The following CD302 variants were observed in gnomAD, a reference collection of about 807,000 sequenced individuals.
CD302 encodes the protein CD302 molecule.
A neutral mutation model predicts 26.5 loss-of-function variants in CD302; 23 were observed. The ratio of observed to expected loss-of-function variants is 0.87; its 90% CI spans 0.62 to 1.23. CD302 has a LOEUF of 1.23. Ranked by LOEUF, CD302 falls within the 50% of genes most tolerant of loss-of-function variation. CD302 has a pLI of 0.00. For synonymous variants in CD302, 90 were observed against 99.4 expected, an observed-to-expected ratio of 0.91 and a Z score of 0.56; for missense variants, 290 against 275.5, an observed-to-expected ratio of 1.05 and a Z score of -0.37.
chr2:159,779,275 G>T (rs1017786742), intron 4 of CD302, among the ~76,000 whole-genome samples: 1 of 105,952 alleles, frequency 9.4e-6, no homozygotes, highest in African/African-American at 3.8e-5. Context: ...CGGGTCAGAA[G>T]AAAACATTTT....
intron 5 of CD302, among the ~76,000 whole-genome samples, chr2:159,774,569 T>TAGTA (rs1368214623): frequency 1.3e-5 from 2 of 152,238 alleles, no homozygotes; most frequent in African/African-American, 4.8e-5. Context: ...CAAGTCCATT[T>TAGTA]AGTAAGTGAC....
intron 2 of CD302, among the ~76,000 whole-genome samples, chr2:159,782,627 A>AT (rs1708552641): frequency 1.3e-5 from 2 of 151,592 alleles, no homozygotes; most frequent in African/African-American, 4.9e-5. Flanking sequence ...CAGGGGGCTG[A>AT]CATGGGAGGA....
intron 3 of CD302, 92 bp downstream of exon 3, chr2:159,780,790 T>A: frequency 8.4e-7 from 1 of 1,197,174 alleles, no homozygotes; most frequent in Non-Finnish European, 1.2e-6. Context: ...ACAGGAATCA[T>A]CAACTTGAAC....
chr2:159,779,953 CCTA>C, intron 4 of CD302, 49 bp downstream of exon 4: 2 of 1,563,362 alleles, frequency 1.3e-6, no homozygotes, highest in East Asian at 2.3e-5. Context: ...TAAAACCAGT[CCTA>C]CTTTCTCTGC....
chr2:159,788,493 A>T (rs1574499673), intron 1 of CD302, among the ~76,000 whole-genome samples: 1 of 152,248 alleles, frequency 6.6e-6, no homozygotes, highest in African/African-American at 2.4e-5. Context: ...ATGTTTGCAC[A>T]ATGACAAAAT....
chr2:159,781,000 T>C lies in CD302; in HGVS notation c.179-2A>G, dbSNP rs767614849. 1.4e-5 allele frequency: 23 copies of C among 1,598,354 alleles called. No homozygotes were observed. Among genetic ancestry groups the C allele is most frequent in the Middle Eastern group, 1.7e-4 (1 of 6,024 alleles). ...TATGTATGCTTATCATGTCCGCTCC[T>C]GAAATTATTTTAAAGAGAAAAAAAG... On this transcript the variant is annotated splice_acceptor_variant, in intron 2 of 5. Coordinates refer to ENST00000259053, the MANE Select transcript of CD302 (RefSeq NM_014880.5). LOFTEE classifies it high-confidence loss of function.
At chr2:159,776,011 A>AGTTGTTTTT (rs1342820508) in intron 5 of CD302, among the ~76,000 whole-genome samples, 1 of 13,150 alleles carries the variant, frequency 7.6e-5, no homozygotes, top group Non-Finnish European at 1.6e-4. Flanking sequence ...CCGGGTTTCA[A>AGTTGTTTTT]CTTTTTTTTT....
rs538273031 is a variant in CD302 at position 159,777,915 on chromosome 2, T to A, written c.496+23A>T. On this transcript the variant is annotated intron_variant, in intron 5 of 5. Coordinates refer to ENST00000259053, the MANE Select transcript of CD302 (RefSeq NM_014880.5). ...ATATATTTTTAATTGTGGGAAAAAT[T>A]TAAAGACCAAATCATTACTTACCTG... 51 of 1,013,724 alleles carry A rather than the reference T, an allele frequency of 5.0e-5. No individual in the cohort carries two copies. The African/African-American group carries it at 7.1e-4, about 14-fold the overall frequency. 62.8% of individuals were successfully genotyped at this position (1,013,724 alleles called of 1,614,324 possible). A position where few individuals can be genotyped will look rare whatever the true frequency, so the allele number is the denominator to read the frequency against.
chr2:159,797,067 C>A (rs970549584), intron 1 of CD302, among the ~76,000 whole-genome samples: 19 of 152,102 alleles, frequency 1.2e-4, no homozygotes, highest in African/African-American at 4.1e-4. Flanking sequence ...GTCATAAATG[C>A]AGGTCCACAG....
chr2:159,769,925 A>T lies in CD302; in HGVS notation c.*1926T>A, dbSNP rs767462472. 1 of 152,204 alleles carries T rather than the reference A, an allele frequency of 6.6e-6. No individual in the cohort carries two copies. Among genetic ancestry groups the T allele is most frequent in the South Asian group, 2.1e-4 (1 of 4,836 alleles). 9.4% of individuals were successfully genotyped at this position (152,204 alleles called of 1,614,324 possible). A position where few individuals can be genotyped will look rare whatever the true frequency, so the allele number is the denominator to read the frequency against. ...CCACCTGTGATTTGAACACTTGACA[A>T]TGTGGCTAATGTAATTCGAAAACTG... On this transcript the variant is annotated 3_prime_UTR_variant, in exon 6 of 6. Transcript: ENST00000259053.
At chr2:159,776,030 T>TTTTTTTTTTTTTTTTTTTTTA (rs55987429) in intron 5 of CD302, among the ~76,000 whole-genome samples, 1 of 146,226 alleles carries the variant, frequency 6.8e-6, no homozygotes, top group African/African-American at 2.5e-5. Flanking sequence ...TTTTTTTTTT[T>TTTTTTTTTTTTTTTTTTTTTA]AAAGTAGAGT....
At chr2:159,773,495 G>C (rs187134133) in intron 5 of CD302, among the ~76,000 whole-genome samples, 1 of 152,300 alleles carries the variant, frequency 6.6e-6, no homozygotes, top group Non-Finnish European at 1.5e-5. Flanking sequence ...AAAGATCATA[G>C]TAATTGAGAA....
At chr2:159,798,095 G>C in intron 1 of CD302, 37 bp downstream of exon 1, 1 of 1,490,018 alleles carries the variant, frequency 6.7e-7, no homozygotes, top group South Asian at 1.2e-5. Flanking sequence ...GAAGGCGGTC[G>C]CGCACGGTCC....
intron 1 of CD302, among the ~76,000 whole-genome samples, chr2:159,784,972 C>CTTTT (rs35915930): frequency 1.4e-4 from 16 of 111,728 alleles, no homozygotes; most frequent in Non-Finnish European, 2.6e-4. Flanking sequence ...TCCGTACAGA[C>CTTTT]TTTTTTTTTT....
intron 4 of CD302, among the ~76,000 whole-genome samples, chr2:159,779,076 C>T (rs1010901341): frequency 6.6e-6 from 1 of 151,344 alleles, no homozygotes; most frequent in Non-Finnish European, 1.5e-5. Flanking sequence ...CTAAAAAATA[C>T]AAAAATTAGC....
chr2:159,796,483 C>T (rs949662841), intron 1 of CD302, among the ~76,000 whole-genome samples: 8 of 152,158 alleles, frequency 5.3e-5, no homozygotes, highest in African/African-American at 1.9e-4. Context: ...ACGTGGAGTT[C>T]CCACTTAATG....
chr2:159,778,423 A>AT (rs539906188), intron 4 of CD302, among the ~76,000 whole-genome samples: 212 of 152,346 alleles, frequency 1.4e-3, no homozygotes, highest in East Asian at 0.014. Context: ...AAAAGAACCA[A>AT]TTTTTTAAAA....
intron 1 of CD302, among the ~76,000 whole-genome samples, chr2:159,793,961 C>T (rs921539204): frequency 7.2e-5 from 11 of 152,042 alleles, no homozygotes; most frequent in African/African-American, 2.7e-4. Context: ...TCAAGATTTG[C>T]TCTCAAAATC....
intron 1 of CD302, among the ~76,000 whole-genome samples, chr2:159,787,352 C>T (rs1044392642): frequency 6.6e-6 from 1 of 151,900 alleles, no homozygotes; most frequent in Non-Finnish European, 1.5e-5. Flanking sequence ...TTATATCTAC[C>T]ATCTTAATAT....
Sources: allele counts gnomAD v4.1 joint callset (sites outside exome capture counted in the v4.1 genomes callset), GRCh38; gene constraint gnomAD v4.1.1; transcripts MANE v1.5; gene names NCBI Gene and HGNC (gene_info 2026-07-23, HGNC 2026-07-21).